The following BACH2 variants were observed in gnomAD, a reference collection of about 807,000 sequenced individuals.
BACH2 encodes transcription regulator protein BACH2.
A neutral mutation model predicts 61.8 loss-of-function variants in BACH2; 5 were observed. The observed-to-expected ratio is 0.08, with a 90% confidence interval of 0.04 to 0.17. The LOEUF (loss-of-function observed/expected upper bound fraction) is 0.17, where lower values mean the gene tolerates loss of function less well. BACH2 is among the 10% of genes least tolerant of loss of function. BACH2 has a pLI of 1.00. For synonymous variants in BACH2, 446 were observed against 440.1 expected (o/e 1.01, Z -0.17); for missense variants, 824 against 1,091.1 (o/e 0.76, Z 3.45).
At chr6:90,031,810 C>T (rs939213944) in intron 5 of BACH2, among the ~76,000 whole-genome samples, 2 of 152,198 alleles carry the variant, frequency 1.3e-5, no homozygotes, top group East Asian at 1.9e-4. Context: ...GTGCCATCCC[C>T]ATCAAGCTAC....
intron 6 of BACH2, among the ~76,000 whole-genome samples, chr6:89,971,679 T>C (rs956870205): frequency 3.9e-5 from 6 of 152,122 alleles, no homozygotes; most frequent in Middle Eastern, 3.2e-3. Context: ...GCCTCAGTCA[T>C]GGTGGAAGAT....
intron 5 of BACH2, among the ~76,000 whole-genome samples, chr6:90,018,135 T>TC (rs2127784046): frequency 6.6e-6 from 1 of 152,324 alleles, no homozygotes; most frequent in African/African-American, 2.4e-5. Flanking sequence ...ATGATGTTAT[T>TC]CCCAGTTCTC....
intron 5 of BACH2, among the ~76,000 whole-genome samples, chr6:90,078,573 C>A (rs1781577857): frequency 6.6e-6 from 1 of 152,108 alleles, no homozygotes; most frequent in Admixed American, 6.6e-5. Context: ...AGGAGAACTC[C>A]CAAATGCTCT....
chr6:90,295,429 G>A (rs1772313197), intron 1 of BACH2, among the ~76,000 whole-genome samples: 1 of 152,094 alleles, frequency 6.6e-6, no homozygotes, highest in African/African-American at 2.4e-5. Context: ...CCAGACCGAG[G>A]TCGCCGAGAT....
chr6:90,191,043 T>C lies in BACH2; in HGVS notation c.-162+15526A>G, dbSNP rs539090714. Among the ~76,000 whole-genome samples the C allele has an allele frequency of 1.1e-4, 16 of 152,332 alleles. 1 individual carries two copies. In the East Asian group the frequency reaches 3.1e-3, roughly 29 times the overall value. ...AAGTGTTTCAAGAGGAGAGCTTTCT[T>C]TCATTTTAGGTTTCTGGTTGAGCTT... is the stretch of plus-strand genomic sequence containing the variant. On this transcript the variant is annotated intron_variant, in intron 4 of 8. Transcript: ENST00000257749.
At chr6:90,139,893 C>G (rs1784407785) in intron 4 of BACH2, among the ~76,000 whole-genome samples, 1 of 152,168 alleles carries the variant, frequency 6.6e-6, no homozygotes, top group Admixed American at 6.5e-5. Context: ...CAGACTCCAG[C>G]TAATAGACAC....
intron 5 of BACH2, among the ~76,000 whole-genome samples, chr6:90,047,747 T>C (rs571927576): frequency 9.6e-4 from 146 of 152,262 alleles, no homozygotes; most frequent in African/African-American, 3.1e-3. Context: ...CCCTGGGGTA[T>C]GCTGGGGCCT....
At chr6:90,165,132 T>C (rs1432082662) in intron 4 of BACH2, among the ~76,000 whole-genome samples, 2 of 152,198 alleles carry the variant, frequency 1.3e-5, no homozygotes, top group African/African-American at 4.8e-5. Flanking sequence ...TTGTCCCTCT[T>C]TGCAGATGAC....
At chr6:90,260,588 G>A (rs1177603505) in intron 2 of BACH2, among the ~76,000 whole-genome samples, 1 of 152,160 alleles carries the variant, frequency 6.6e-6, no homozygotes, top group Non-Finnish European at 1.5e-5. Context: ...TTCAAGTCCT[G>A]CATTTCTTAC....
At chr6:90,033,367 AAAAG>A (rs1779108160) in intron 5 of BACH2, among the ~76,000 whole-genome samples, 1 of 151,914 alleles carries the variant, frequency 6.6e-6, no homozygotes, top group Non-Finnish European at 1.5e-5. Flanking sequence ...AAAAAAAAAA[AAAAG>A]AAAATCAGAC....
chr6:89,955,282 G>A (rs1774363410), intron 6 of BACH2, among the ~76,000 whole-genome samples: 1 of 152,182 alleles, frequency 6.6e-6, no homozygotes, highest in African/African-American at 2.4e-5. Context: ...CTGTGCTCAA[G>A]AGATCTAAGA....
In BACH2 at chr6:89,950,154, T is replaced by A. The variant is rs747436248; in HGVS notation, c.1836+116A>T. ...TGGATGGGGAAGGCAGTCTCTCTACTGTCATCTTTAATCTTAGCACGTAAG... is the reference window on the plus strand; with the variant it reads ...TGGATGGGGAAGGCAGTCTCTCTACAGTCATCTTTAATCTTAGCACGTAAG... On this transcript the variant is annotated intron_variant, in intron 7 of 8. Coordinates refer to ENST00000257749, the MANE Select transcript of BACH2 (RefSeq NM_021813.4). This position sits in a 1 kb window ranked among gnomAD's most constrained non-coding sequence, Gnocchi z 5.3. 8 of 1,231,552 alleles carry A rather than the reference T, an allele frequency of 6.5e-6. No homozygotes were observed. In the East Asian group the frequency reaches 1.9e-4, roughly 29 times the overall value. 76.3% of individuals were successfully genotyped at this position (1,231,552 alleles called of 1,614,324 possible).
intron 6 of BACH2, among the ~76,000 whole-genome samples, chr6:89,961,310 C>T (rs191270824): frequency 4.6e-5 from 7 of 152,226 alleles, no homozygotes; most frequent in East Asian, 3.9e-4. Context: ...TAATGTTTCA[C>T]GTTTTTCAGT....
At chr6:90,063,832 T>G (rs1022441306) in intron 5 of BACH2, among the ~76,000 whole-genome samples, 3 of 152,206 alleles carry the variant, frequency 2.0e-5, no homozygotes, top group Admixed American at 1.3e-4. Flanking sequence ...ATATTCTGTA[T>G]GTCACAGATT....
rs953686734 is a variant in BACH2, at chr6:89,928,233, G to C, written c.*4175C>G. On this transcript the variant is annotated 3_prime_UTR_variant, in exon 9 of 9. Coordinates refer to ENST00000257749, the MANE Select transcript of BACH2 (RefSeq NM_021813.4). ...ATCTGAGACTCCTCCTAAACTGTAA[G>C]CAATAGTGAAGCAGTTTGAAGTCAT... is the stretch of plus-strand genomic sequence containing the variant. 1.3e-5 allele frequency: 2 copies of C among 152,338 alleles called. No individual in the cohort carries two copies. The highest frequency in any genetic ancestry group is 4.8e-5 in the African/African-American group (2 of 41,454). The allele number at this position is 152,338 out of a possible 1,614,324, so 9.4% of individuals were successfully genotyped here.
intron 5 of BACH2, among the ~76,000 whole-genome samples, chr6:90,059,554 G>T (rs1780567511): frequency 1.3e-5 from 2 of 152,190 alleles, no homozygotes. Context: ...AACCATTGTG[G>T]AAGTCAGTGT....
chr6:90,108,631 G>A (rs574126255), intron 4 of BACH2, among the ~76,000 whole-genome samples: 1 of 152,304 alleles, frequency 6.6e-6, no homozygotes, highest in East Asian at 1.9e-4. Context: ...TCACAAGCTG[G>A]TTATCAGGTG....
At chr6:90,295,636 T>C (rs1772323686) in intron 1 of BACH2, among the ~76,000 whole-genome samples, 1 of 149,260 alleles carries the variant, frequency 6.7e-6, no homozygotes, top group Admixed American at 6.6e-5. Flanking sequence ...CTTCTGGGGC[T>C]TGGAGACTGG....
chr6:90,040,431 TTAA>T (rs949428155), intron 5 of BACH2, among the ~76,000 whole-genome samples: 2 of 152,188 alleles, frequency 1.3e-5, no homozygotes, highest in Non-Finnish European at 2.9e-5. Flanking sequence ...GACTTGCCCA[TTAA>T]TGCCAATTCA....
Sources: gnomAD v4.1 joint callset for allele counts (sites outside exome capture counted in the v4.1 genomes callset) on GRCh38, gnomAD v4.1.1 for gene constraint, Gnocchi (gnomAD v3.1) non-coding constraint, MANE v1.5 for transcripts, NCBI Gene and HGNC (gene_info 2026-07-23, HGNC 2026-07-21) for gene names.